The following SHTN1 variants were observed in gnomAD, a reference collection of about 807,000 sequenced individuals.
SHTN1 encodes the protein shootin 1.
In SHTN1, 42 loss-of-function variants were observed where a neutral mutation model predicts 83.1. The ratio of observed to expected loss-of-function variants is 0.51; its 90% confidence interval spans 0.39 to 0.65. The LOEUF is 0.65. Ranked by LOEUF, SHTN1 falls within the 30% of genes least tolerant of loss-of-function variation. SHTN1 has a pLI of 0.00. For synonymous variants in SHTN1, 224 were observed against 247.7 expected (o/e 0.90, Z 0.90); for missense variants, 622 against 737.8 (o/e 0.84, Z 1.82).
chr10:116,968,842 G>T (rs1291928592), intron 2 of SHTN1, 130 bp from the exon 3 acceptor site: 11 of 686,708 alleles, frequency 1.6e-5, no homozygotes, highest in Non-Finnish European at 1.5e-5. Context: ...CCTTTGAAAA[G>T]CATCAATGGT....
At chr10:116,986,715 CCTTTTT>C (rs1363868306) in intron 1 of SHTN1, among the ~76,000 whole-genome samples, 1 of 115,952 alleles carries the variant, frequency 8.6e-6, no homozygotes, top group Non-Finnish European at 1.7e-5. Context: ...AACCCAGTAT[CCTTTTT>C]TTTTTTTTTT....
At chr10:117,041,282 A>G (rs1852580933) in intron 2 of SHTN1, among the ~76,000 whole-genome samples, 1 of 152,192 alleles carries the variant, frequency 6.6e-6, no homozygotes, top group Non-Finnish European at 1.5e-5. Flanking sequence ...CAATCTAAGT[A>G]TATCTACTGA....
intron 1 of SHTN1, among the ~76,000 whole-genome samples, chr10:117,098,931 C>T (rs1172035747): frequency 6.6e-6 from 1 of 150,732 alleles, no homozygotes; most frequent in Admixed American, 6.7e-5. Flanking sequence ...TTTATAAAGA[C>T]CTTAACAGTA....
chr10:116,934,417 A>C (rs1849080486), intron 9 of SHTN1, among the ~76,000 whole-genome samples: 1 of 152,168 alleles, frequency 6.6e-6, no homozygotes, highest in African/African-American at 2.4e-5. Flanking sequence ...CCATTTATTA[A>C]ATAGGGAATC....
chr10:117,047,027 CAAA>C (rs1852673281), intron 2 of SHTN1, among the ~76,000 whole-genome samples: 1 of 151,726 alleles, frequency 6.6e-6, no homozygotes, highest in Non-Finnish European at 1.5e-5. Flanking sequence ...AATGAAAAAA[CAAA>C]AGAGTGAATT....
intron 12 of SHTN1, among the ~76,000 whole-genome samples, chr10:116,919,883 C>T (rs540460267): frequency 1.3e-5 from 2 of 151,960 alleles, no homozygotes; most frequent in African/African-American, 4.8e-5. Context: ...AGAAAATCAG[C>T]TTTCATTTGT....
At position 116,951,980 on chromosome 10, in the gene SHTN1, G is replaced by A; in HGVS notation, c.463C>T (p.Gln155Ter). ...ATGGCTAAAATCTTCTTTTCCTCCT[G>A]AACAGATACAATTTGATCTCGAAGT... ...KELRDQIVSVQEEKKILAIEL... is the reference protein window; with the variant it reads ...KELRDQIVSV The change falls in exon 6 of 17, where the codon CAG becomes TAG. Residue 155 changes from glutamine to a stop codon, truncating the protein, a stop_gained. Coordinates refer to ENST00000355371, the MANE Select transcript of SHTN1 (RefSeq NM_001127211.3). LOFTEE classifies it high-confidence loss of function. The A allele has an allele frequency of 6.4e-7, 1 of 1,560,182 alleles. No individual in the cohort carries two copies. Among genetic ancestry groups the A allele is most frequent in the Non-Finnish European group, 8.7e-7 (1 of 1,150,078 alleles).
chr10:117,012,530 G>A (rs1852122296), intron 2 of SHTN1, among the ~76,000 whole-genome samples: 2 of 152,072 alleles, frequency 1.3e-5, no homozygotes, highest in African/African-American at 2.4e-5. Flanking sequence ...CTTGGTGCTA[G>A]ATCAACTGGA....
chr10:116,900,252 T>C, intron 16 of SHTN1: 1 of 385,230 alleles, frequency 2.6e-6, no homozygotes, highest in Non-Finnish European at 4.7e-6. Flanking sequence ...CCACAGTATT[T>C]GTATTAGAGC....
At chr10:117,014,192 T>C (rs1852147739) in intron 2 of SHTN1, among the ~76,000 whole-genome samples, 1 of 152,276 alleles carries the variant, frequency 6.6e-6, no homozygotes, top group East Asian at 1.9e-4. Context: ...TTTAGGGTGA[T>C]AGAATTATTC....
chr10:116,903,003 C>T (rs1361712928), intron 15 of SHTN1, among the ~76,000 whole-genome samples: 2 of 152,134 alleles, frequency 1.3e-5, no homozygotes, highest in Non-Finnish European at 2.9e-5. Flanking sequence ...AATAGCGTAA[C>T]ATATCAACTC....
At chr10:116,931,981 T>C (rs1307530949) in intron 9 of SHTN1, among the ~76,000 whole-genome samples, 1 of 152,222 alleles carries the variant, frequency 6.6e-6, no homozygotes, top group African/African-American at 2.4e-5. Context: ...GACATACAGA[T>C]GGTCCCCAAT....
At chr10:116,983,902 G>A (rs1851135915) in intron 1 of SHTN1, among the ~76,000 whole-genome samples, 1 of 152,118 alleles carries the variant, frequency 6.6e-6, no homozygotes, top group Non-Finnish European at 1.5e-5. Context: ...CAAGAATCAT[G>A]CTGGTTTTCT....
intron 2 of SHTN1, among the ~76,000 whole-genome samples, chr10:117,035,824 TA>T (rs34735548): frequency 0.89 from 134,092 of 151,270 alleles, 60,741 homozygotes; most frequent in Non-Finnish European, 0.98. Flanking sequence ...CACATGCCTG[TA>T]AATCCCAGCT....
intron 14 of SHTN1, chr10:116,911,431 G>A (rs1433033491): frequency 6.5e-7 from 1 of 1,537,396 alleles, no homozygotes; most frequent in African/African-American, 1.4e-5. Context: ...AGGCTTCAAA[G>A]TAAAGCATTA....
chr10:117,044,951 A>G (rs1460700618), intron 2 of SHTN1, among the ~76,000 whole-genome samples: 1 of 152,228 alleles, frequency 6.6e-6, no homozygotes, highest in Non-Finnish European at 1.5e-5. Flanking sequence ...ACAGTTTAAT[A>G]TGTGCATATA....
intron 16 of SHTN1, among the ~76,000 whole-genome samples, chr10:116,889,288 G>A (rs758922176): frequency 6.6e-6 from 1 of 152,176 alleles, no homozygotes; most frequent in Non-Finnish European, 1.5e-5. Context: ...ACCTAGTATT[G>A]TCAGGCTGAA....
Position 116,918,801 on chromosome 10 carries a change from C to T in SHTN1, c.1195+2633G>A, listed in dbSNP as rs571542092. Among the ~76,000 whole-genome samples, 11 of 152,228 alleles carry T rather than the reference C, an allele frequency of 7.2e-5. No homozygotes were observed. In the South Asian group the frequency reaches 8.3e-4, roughly 11 times the overall value. On this transcript the variant is annotated intron_variant, in intron 12 of 16. Coordinates refer to ENST00000355371, the MANE Select transcript of SHTN1 (RefSeq NM_001127211.3). ...TTCTACAGATTAGCAAATCAAGGCA[C>T]GGCGAAGTAAGAAAAGATCAACAAA...
chr10:117,096,516 T>C (rs1853504836), intron 1 of SHTN1, among the ~76,000 whole-genome samples: 1 of 152,242 alleles, frequency 6.6e-6, no homozygotes, highest in Non-Finnish European at 1.5e-5. Flanking sequence ...GCAGGCTATA[T>C]TGTGAGAGCA....
Sources: allele counts gnomAD v4.1 joint callset (sites outside exome capture counted in the v4.1 genomes callset), GRCh38; gene constraint gnomAD v4.1.1; transcripts MANE v1.5; gene names NCBI Gene and HGNC (gene_info 2026-07-23, HGNC 2026-07-21).